The following SPIDR variants were observed in gnomAD, a reference collection of about 807,000 sequenced individuals.
SPIDR encodes the protein DNA repair-scaffolding protein.
Under a neutral mutation model 104.6 loss-of-function variants are expected in SPIDR, and 93 were observed. The observed-to-expected ratio is 0.89, with a 90% CI of 0.75 to 1.06. SPIDR has a LOEUF of 1.06. Among genes scored for constraint, SPIDR ranks in the 50% least tolerant of loss-of-function variants. The pLI is 0.00. For missense variants in SPIDR, 1,154 were observed against 1,111.2 expected (o/e 1.04, Z -0.55); for synonymous variants, 431 against 416.9 (o/e 1.03, Z -0.41).
At chr8:47,395,139 A>G (rs1554657489) in intron 5 of SPIDR, among the ~76,000 whole-genome samples, 2 of 152,050 alleles carry the variant, frequency 1.3e-5, no homozygotes, top group Non-Finnish European at 2.9e-5. Flanking sequence ...ACTTGAGGTC[A>G]GGAGTTCGAG....
chr8:47,520,059 A>G (rs1587049895), intron 8 of SPIDR, among the ~76,000 whole-genome samples: 1 of 152,208 alleles, frequency 6.6e-6, no homozygotes, highest in East Asian at 1.9e-4. Context: ...GCTACCAATA[A>G]TCTTATAGCC....
chr8:47,328,372 C>T (rs1233566387), intron 5 of SPIDR, among the ~76,000 whole-genome samples: 1 of 151,772 alleles, frequency 6.6e-6, no homozygotes, highest in Non-Finnish European at 1.5e-5. Context: ...GATCCGCTCA[C>T]CTCGACCTCT....
Position 47,260,986 on chromosome 8 carries a change from T to TA in SPIDR, c.28_29insA (p.Ser10TyrfsTer2). On this transcript the variant is annotated frameshift_variant, in exon 1 of 20. Coordinates refer to ENST00000297423, the MANE Select transcript of SPIDR (RefSeq NM_001080394.4). LOFTEE classifies it high-confidence loss of function. Reference sequence around the variant, plus strand: ...GCCCCGCGGCAGCCGCGCTCGGGGCTCTAAGGTAGGCTCTGGGGCGGGAGT... The same window carrying TA: ...GCCCCGCGGCAGCCGCGCTCGGGGCTACTAAGGTAGGCTCTGGGGCGGGAGT... 8.1e-7 allele frequency: 1 copy of TA among 1,230,102 alleles called. No individual in the cohort carries two copies. Among genetic ancestry groups the TA allele is most frequent in the Non-Finnish European group, 1.0e-6 (1 of 986,676 alleles). 76.2% of individuals were successfully genotyped at this position (1,230,102 alleles called of 1,614,324 possible).
chr8:47,418,990 C>G (rs776510979), intron 7 of SPIDR: 1 of 152,160 alleles, frequency 6.6e-6, no homozygotes, highest in East Asian at 1.9e-4. Context: ...GGTAGATAAG[C>G]TTTTTGATGT....
chr8:47,589,910 G>A (rs561166216), intron 8 of SPIDR, among the ~76,000 whole-genome samples: 1 of 151,924 alleles, frequency 6.6e-6, no homozygotes, highest in African/African-American at 2.4e-5. Flanking sequence ...ACTCACCCCT[G>A]TAATCCCAGC....
At chr8:47,457,076 A>G (rs1413538103) in intron 8 of SPIDR, among the ~76,000 whole-genome samples, 1 of 152,128 alleles carries the variant, frequency 6.6e-6, no homozygotes, top group Non-Finnish European at 1.5e-5. Context: ...TGCATGTGCC[A>G]GTATTTTTTT....
intron 8 of SPIDR, among the ~76,000 whole-genome samples, chr8:47,550,096 G>A (rs994355423): frequency 6.6e-6 from 1 of 152,148 alleles, no homozygotes; most frequent in Non-Finnish European, 1.5e-5. Flanking sequence ...TATTATTTCT[G>A]AGGGCTCTGT....
intron 5 of SPIDR, among the ~76,000 whole-genome samples, chr8:47,313,774 C>A (rs1042596620): frequency 1.3e-5 from 2 of 152,208 alleles, no homozygotes; most frequent in African/African-American, 4.8e-5. Context: ...CTACAACCAT[C>A]TGATCTTTGA....
At position 47,725,243 on chromosome 8, in the gene SPIDR, C is replaced by T. The variant is rs2084043846; in HGVS notation, c.2342-1957C>T. On this transcript the variant is annotated intron_variant, in intron 16 of 19. Coordinates refer to ENST00000297423, the MANE Select transcript of SPIDR (RefSeq NM_001080394.4). ...TTGTAACTAAGCAATACACCTTTCC[C>T]AAACCTAATTACAAGACATTTCTGC... 2.0e-5 allele frequency among the ~76,000 whole-genome samples: 3 copies of T among 152,180 alleles called. No homozygotes were observed. The South Asian group carries it at 6.2e-4, about 32-fold the overall frequency.
At chr8:47,317,662 G>C (rs1214630821) in intron 5 of SPIDR, among the ~76,000 whole-genome samples, 2 of 152,038 alleles carry the variant, frequency 1.3e-5, no homozygotes, top group African/African-American at 4.8e-5. Flanking sequence ...GTGGGTCCCT[G>C]ACCCCCCCGA....
At chr8:47,379,512 T>C (rs572700410) in intron 5 of SPIDR, among the ~76,000 whole-genome samples, 113 of 152,184 alleles carry the variant, frequency 7.4e-4, no homozygotes, top group South Asian at 3.5e-3. Flanking sequence ...CCTGGGTGAA[T>C]TGGGTGAAAG....
chr8:47,507,492 G>A (rs373523131), intron 8 of SPIDR, among the ~76,000 whole-genome samples: 2 of 152,336 alleles, frequency 1.3e-5, no homozygotes, highest in South Asian at 2.1e-4. Flanking sequence ...ATCTGGATAC[G>A]AGCTCCTCAG....
At chr8:47,728,535 C>A (rs1343298697) in intron 17 of SPIDR, among the ~76,000 whole-genome samples, 1 of 152,124 alleles carries the variant, frequency 6.6e-6, no homozygotes, top group East Asian at 1.9e-4. Context: ...CATCACTGGA[C>A]TGTGTGGAAG....
chr8:47,455,183 A>T (rs918239805), intron 8 of SPIDR, among the ~76,000 whole-genome samples: 13 of 152,268 alleles, frequency 8.5e-5, no homozygotes, highest in Admixed American at 8.5e-4. Context: ...ACAAATCTAT[A>T]TTAGGATGCA....
At chr8:47,720,048 C>T (rs2083179390) in intron 16 of SPIDR, among the ~76,000 whole-genome samples, 1 of 152,226 alleles carries the variant, frequency 6.6e-6, no homozygotes. Flanking sequence ...GGCAGCCACT[C>T]TTCTTTGTAC....
At chr8:47,421,674 A>C (rs2065492198) in intron 7 of SPIDR, among the ~76,000 whole-genome samples, 1 of 152,156 alleles carries the variant, frequency 6.6e-6, no homozygotes, top group Non-Finnish European at 1.5e-5. Context: ...CCTTTGGAGG[A>C]GGAGAGGCTC....
At chr8:47,593,419 G>A (rs752959926) in intron 8 of SPIDR, among the ~76,000 whole-genome samples, 1 of 151,802 alleles carries the variant, frequency 6.6e-6, no homozygotes. Context: ...GTGCGTCAAG[G>A]TTGCTTATTA....
intron 10 of SPIDR, chr8:47,660,569 T>C: frequency 1.0e-6 from 1 of 974,588 alleles, no homozygotes; most frequent in South Asian, 4.7e-5. Context: ...GCTGCCTTGT[T>C]TTCCCAGTTG....
At chr8:47,312,960 A>G (rs1330093043) in intron 5 of SPIDR, among the ~76,000 whole-genome samples, 4 of 152,292 alleles carry the variant, frequency 2.6e-5, no homozygotes, top group Admixed American at 1.3e-4. Flanking sequence ...TTTTCCCAGC[A>G]CCATTTATTA....
Sources: allele counts gnomAD v4.1 joint callset (sites outside exome capture counted in the v4.1 genomes callset), GRCh38; gene constraint gnomAD v4.1.1; transcripts MANE v1.5; gene names NCBI Gene and HGNC (gene_info 2026-07-23, HGNC 2026-07-21).